RUFY1: variants seen among roughly 807,000 people sequenced by gnomAD.
RUFY1 encodes the protein RUN and FYVE domain containing 1, also known as RUN and FYVE domain-containing protein 1.
Under a neutral mutation model 94.6 loss-of-function variants are expected in RUFY1, and 54 were observed. The observed-to-expected ratio is 0.57, with a 90% CI of 0.46 to 0.72. The LOEUF (loss-of-function observed/expected upper bound fraction) is 0.72, where lower values mean the gene tolerates loss of function less well. Ranked by LOEUF, RUFY1 falls within the 30% of genes least tolerant of loss-of-function variation. The pLI is 0.00. For missense variants in RUFY1, 883 were observed against 883.9 expected (o/e 1.00, Z 0.01); for synonymous variants, 396 against 347.3 (o/e 1.14, Z -1.56).
intron 10 of RUFY1, among the ~76,000 whole-genome samples, chr5:179,592,785 T>C (rs1385940258): frequency 6.6e-6 from 1 of 152,228 alleles, no homozygotes; most frequent in East Asian, 1.9e-4. Context: ...GGTTGCACTT[T>C]TGTTGCTATA....
At chr5:179,559,081 A>G (rs2127507506) in intron 1 of RUFY1, among the ~76,000 whole-genome samples, 1 of 152,312 alleles carries the variant, frequency 6.6e-6, no homozygotes, top group African/African-American at 2.4e-5. Context: ...CCAATTGGCA[A>G]ATATTTCCAA....
intron 15 of RUFY1, among the ~76,000 whole-genome samples, chr5:179,603,265 CAAAAA>C (rs11336898): frequency 1.4e-5 from 2 of 145,900 alleles, no homozygotes; most frequent in African/African-American, 2.5e-5. Context: ...GAATCCATCT[CAAAAA>C]AAAAAAACAA....
intron 9 of RUFY1, 52 bp downstream of exon 9, chr5:179,589,699 A>G (rs1367127470): frequency 1.2e-5 from 15 of 1,295,360 alleles, no homozygotes; most frequent in Admixed American, 3.4e-5. Context: ...AGACACACCT[A>G]TTGTCAATCT....
intron 4 of RUFY1, among the ~76,000 whole-genome samples, chr5:179,567,903 C>CA: frequency 6.6e-6 from 1 of 151,786 alleles, no homozygotes; most frequent in Middle Eastern, 3.5e-3. Context: ...GACTCCTTCT[C>CA]AAAAAAATAA....
intron 6 of RUFY1, among the ~76,000 whole-genome samples, chr5:179,577,429 T>C (rs1272935382): frequency 2.6e-5 from 4 of 151,714 alleles, no homozygotes; most frequent in Admixed American, 6.6e-5. Flanking sequence ...CCTCCCAAAG[T>C]GCTGGGATTA....
intron 13 of RUFY1, 42 bp from the exon 14 acceptor site, chr5:179,598,650 G>A (rs1441363534): frequency 1.2e-6 from 2 of 1,611,136 alleles, no homozygotes; most frequent in Non-Finnish European, 1.7e-6. Flanking sequence ...TTCCGTGAAA[G>A]TCTCCCACTG....
At position 179,609,601 on chromosome 5, in the gene RUFY1, C is replaced by T; in HGVS notation, c.*82C>T. 4 of 1,319,536 alleles carry T rather than the reference C, an allele frequency of 3.0e-6. No individual in the cohort carries two copies. The South Asian group carries it at 6.0e-5, about 20-fold the overall frequency. 81.7% of individuals were successfully genotyped at this position (1,319,536 alleles called of 1,614,324 possible). On this transcript the variant is annotated 3_prime_UTR_variant, in exon 18 of 18. Coordinates refer to ENST00000319449, the MANE Select transcript of RUFY1 (RefSeq NM_025158.5). ...GGGGCTTGGGAAATGTGTTCTTTCC[C>T]AAGAGTATCAAAGGAAAGAATCAAA...
At chr5:179,580,300 TG>T (rs1764037924) in intron 6 of RUFY1, among the ~76,000 whole-genome samples, 1 of 149,014 alleles carries the variant, frequency 6.7e-6, no homozygotes, top group African/African-American at 2.5e-5. Flanking sequence ...TGGAGTGCAG[TG>T]GCGCCATCTC....
At chr5:179,588,006 CAAAG>C (rs917400686) in intron 8 of RUFY1, among the ~76,000 whole-genome samples, 39 of 152,164 alleles carry the variant, frequency 2.6e-4, no homozygotes, top group African/African-American at 7.7e-4. Flanking sequence ...ATTAAAAAAA[CAAAG>C]AAATGTGCTT....
At chr5:179,592,442 C>T (rs1348776279) in intron 10 of RUFY1, among the ~76,000 whole-genome samples, 1 of 151,752 alleles carries the variant, frequency 6.6e-6, no homozygotes, top group Non-Finnish European at 1.5e-5. Flanking sequence ...TTAGTAGAAA[C>T]GGAGTTTCAC....
At chr5:179,556,540 GC>G (rs2127504587) in intron 1 of RUFY1, among the ~76,000 whole-genome samples, 1 of 148,056 alleles carries the variant, frequency 6.8e-6, no homozygotes, top group South Asian at 2.1e-4. Flanking sequence ...TCACTCTGTT[GC>G]CCAGCCTGGA....
intron 6 of RUFY1, 53 bp downstream of exon 6, chr5:179,577,189 T>TTTTTTTTTTTTTTA: frequency 1.1e-6 from 1 of 871,456 alleles, no homozygotes; most frequent in Admixed American, 2.7e-5. Context: ...TTTTTTTTTT[T>TTTTTTTTTTTTTTA]GAGACAGAAT....
chr5:179,605,361 G>A (rs538384534), intron 15 of RUFY1, among the ~76,000 whole-genome samples: 5 of 151,744 alleles, frequency 3.3e-5, no homozygotes, highest in Admixed American at 2.6e-4. Context: ...TGCCAATTTA[G>A]ACCATGTTCA....
In RUFY1 at chr5:179,577,064, A is replaced by G. The variant is rs1241304311; in HGVS notation, c.829-11A>G. On this transcript the variant is annotated splice_polypyrimidine_tract_variant and intron_variant, in intron 5 of 17. Coordinates refer to ENST00000319449, the MANE Select transcript of RUFY1 (RefSeq NM_025158.5). ...CATTTTATTTAAACTTGTGCATTTTATTTCGTTTAGGTTGGAGTAATAGAT... is the reference window on the plus strand; with the variant it reads ...CATTTTATTTAAACTTGTGCATTTTGTTTCGTTTAGGTTGGAGTAATAGAT... 4 of 1,475,542 alleles carry G rather than the reference A, an allele frequency of 2.7e-6. No individual in the cohort carries two copies. In the Admixed American group the frequency reaches 5.6e-5, roughly 21 times the overall value. 91.4% of individuals were successfully genotyped at this position (1,475,542 alleles called of 1,614,324 possible). A position where few individuals can be genotyped will look rare whatever the true frequency, so the allele number is the denominator to read the frequency against.
Position 179,577,080 on chromosome 5 carries a change from A to C in RUFY1, c.834A>C (p.Gly278=). The C allele has an allele frequency of 6.5e-7, 1 of 1,532,904 alleles. No homozygotes were observed. The highest frequency in any genetic ancestry group is 8.9e-7 in the Non-Finnish European group (1 of 1,125,474). The allele number at this position is 1,532,904 out of a possible 1,614,324, so 95.0% of individuals were successfully genotyped here. ...LKGEDLDSQV[G]VIDFSLYLKD... ...GTGCATTTTATTTCGTTTAGGTTGG[A>C]GTAATAGATTTTTCCCTCTACCTTA... is the stretch of plus-strand genomic sequence containing the variant. Residue 278 remains glycine, a synonymous_variant, in exon 6 of 18, where the codon GGA becomes GGC. Transcript: ENST00000319449.
intron 12 of RUFY1, among the ~76,000 whole-genome samples, chr5:179,595,550 CTTG>C (rs919026401): frequency 1.4e-5 from 2 of 146,948 alleles, no homozygotes; most frequent in Admixed American, 1.4e-4. Context: ...TTTGTTTGTT[CTTG>C]TTTTTTTTTT....
chr5:179,586,982 C>T (rs1293891354), intron 8 of RUFY1, among the ~76,000 whole-genome samples: 1 of 152,188 alleles, frequency 6.6e-6, no homozygotes, highest in Non-Finnish European at 1.5e-5. Flanking sequence ...AAGCAGATTC[C>T]CTGCATCTCA....
Position 179,609,206 on chromosome 5 carries a change from C to CCA in RUFY1, c.1984-170_1984-169insCA, listed in dbSNP as rs1437790499. ...CGGGCGACTGAGCAAGACTCTATCT[C>CCA]AAAAAAAAAAAAAAAAAAAGACCCT... On this transcript the variant is annotated intron_variant, in intron 17 of 17. Coordinates refer to ENST00000319449, the MANE Select transcript of RUFY1 (RefSeq NM_025158.5). 4.9e-5 allele frequency among the ~76,000 whole-genome samples: 6 copies of CCA among 121,406 alleles called. 1 individual carries two copies. Among genetic ancestry groups the CCA allele is most frequent in the Non-Finnish European group, 9.8e-5 (6 of 61,332 alleles). The allele number at this position is 121,406 out of a possible 152,430, so 79.6% of individuals were successfully genotyped here. A position where few individuals can be genotyped will look rare whatever the true frequency, so the allele number is the denominator to read the frequency against.
chr5:179,585,967 A>G (rs13361148), intron 8 of RUFY1, 102 bp downstream of exon 8: 375,750 of 913,282 alleles, frequency 0.41, 81,461 homozygotes, highest in East Asian at 0.71. Flanking sequence ...GCTGGTAGGA[A>G]GGGGACTTGC....
Sources: allele counts gnomAD v4.1 joint callset (sites outside exome capture counted in the v4.1 genomes callset), GRCh38; gene constraint gnomAD v4.1.1; transcripts MANE v1.5; gene names NCBI Gene and HGNC (gene_info 2026-07-23, HGNC 2026-07-21).